SDCCAG8: variants seen among roughly 807,000 people sequenced by gnomAD.
The protein encoded by SDCCAG8 is SHH signaling and ciliogenesis regulator SDCCAG8, also known as serologically defined colon cancer antigen 8.
In SDCCAG8, 74 loss-of-function variants were observed where a neutral mutation model predicts 101.8. The ratio of observed to expected loss-of-function variants is 0.73; its 90% CI spans 0.60 to 0.88. SDCCAG8 has a LOEUF of 0.88. Among genes scored for constraint, SDCCAG8 ranks in the 40% least tolerant of loss-of-function variants. The pLI, the probability that SDCCAG8 is intolerant of heterozygous loss-of-function variation, is 0.00. For synonymous variants in SDCCAG8, 281 were observed against 292.9 expected (o/e 0.96, Z 0.41); for missense variants, 787 against 822.6 (o/e 0.96, Z 0.53).
At chr1:243,405,799 TA>T (rs1044970118) in intron 13 of SDCCAG8, among the ~76,000 whole-genome samples, 32 of 151,700 alleles carry the variant, frequency 2.1e-4, no homozygotes, top group Middle Eastern at 6.8e-3. Context: ...TAAAATATAA[TA>T]AAAAATATAT....
At chr1:243,274,768 A>G (rs899369494) in intron 4 of SDCCAG8, 112 bp downstream of exon 4, 2 of 669,388 alleles carry the variant, frequency 3.0e-6, no homozygotes, top group Admixed American at 4.6e-5. Flanking sequence ...TACATTGACA[A>G]TTGCTATTCT....
At chr1:243,387,289 T>C (rs998433517) in intron 13 of SDCCAG8, among the ~76,000 whole-genome samples, 1 of 152,196 alleles carries the variant, frequency 6.6e-6, no homozygotes, top group Non-Finnish European at 1.5e-5. Context: ...TTTTTTTTTC[T>C]TGTATCTGAT....
At chr1:243,415,320 T>G (rs72759868) in intron 13 of SDCCAG8, among the ~76,000 whole-genome samples, 2,987 of 152,160 alleles carry the variant, frequency 0.02, 35 homozygotes, top group Non-Finnish European at 0.029. Context: ...GTTTTAAGAA[T>G]TTAAGTTTTG....
intron 13 of SDCCAG8, 24 bp from the exon 14 acceptor site, chr1:243,415,678 G>A: frequency 6.2e-7 from 1 of 1,613,574 alleles, no homozygotes; most frequent in Non-Finnish European, 8.5e-7. Flanking sequence ...TTAAATTTCT[G>A]TATGTCTCCT....
At position 243,365,113 on chromosome 1, in the gene SDCCAG8, G is replaced by A. The variant is rs184743137; in HGVS notation, c.1474-13608G>A. On this transcript the variant is annotated intron_variant, in intron 12 of 17. Coordinates refer to ENST00000366541, the MANE Select transcript of SDCCAG8 (RefSeq NM_006642.5). ...CATTTGAAGGGAAATGGGTATCGGC[G>A]AAGAGTCTGGAGCTTGAGTTCTAGT... Among the ~76,000 whole-genome samples, 262 of 152,274 alleles carry A rather than the reference G, an allele frequency of 1.7e-3. 2 individuals carry two copies. Among genetic ancestry groups the A allele is most frequent in the Non-Finnish European group, 1.7e-3 (117 of 68,020 alleles).
At chr1:243,425,847 A>C (rs1417291396) in intron 15 of SDCCAG8, among the ~76,000 whole-genome samples, 2 of 152,180 alleles carry the variant, frequency 1.3e-5, no homozygotes, top group South Asian at 2.1e-4. Flanking sequence ...GCCTGCCTGC[A>C]TGGACGGCAA....
chr1:243,357,807 T>C (rs2076475117), intron 12 of SDCCAG8, among the ~76,000 whole-genome samples: 1 of 152,192 alleles, frequency 6.6e-6, no homozygotes, highest in African/African-American at 2.4e-5. Context: ...TTACAGTCAA[T>C]TGATTTTCAG....
At chr1:243,327,612 G>A (rs2074279480) in intron 9 of SDCCAG8, among the ~76,000 whole-genome samples, 1 of 151,858 alleles carries the variant, frequency 6.6e-6, no homozygotes, top group African/African-American at 2.4e-5. Context: ...CAGTTATTAT[G>A]TCTTTACTGA....
chr1:243,271,126 G>A, intron 3 of SDCCAG8, 63 bp downstream of exon 3: 1 of 1,190,642 alleles, frequency 8.4e-7, no homozygotes, highest in South Asian at 1.2e-5. Flanking sequence ...GTGTTATTTT[G>A]TAGTACATGT....
intron 7 of SDCCAG8, chr1:243,307,658 A>G (rs957214069): frequency 7.7e-6 from 9 of 1,169,920 alleles, no homozygotes; most frequent in African/African-American, 1.6e-5. Flanking sequence ...TTGGAGTTTT[A>G]TTTTTGTTTT....
chr1:243,408,349 C>T (rs1399897061), intron 13 of SDCCAG8, among the ~76,000 whole-genome samples: 1 of 152,136 alleles, frequency 6.6e-6, no homozygotes, highest in Non-Finnish European at 1.5e-5. Context: ...TTTCTAGAGT[C>T]TGTGGCCACT....
chr1:243,404,641 G>A (rs990529604), intron 13 of SDCCAG8, among the ~76,000 whole-genome samples: 3 of 152,080 alleles, frequency 2.0e-5, no homozygotes, highest in African/African-American at 7.2e-5. Context: ...CTCCAGAATT[G>A]TGTGCAAAGA....
Position 243,499,471 on chromosome 1 carries a change from T to C in SDCCAG8, c.2113-285T>C, listed in dbSNP as rs10927029. Among the ~76,000 whole-genome samples, 25,540 of 152,238 alleles carry C rather than the reference T, an allele frequency of 0.17. 2,206 individuals are homozygous for C. Among genetic ancestry groups the C allele is most frequent in the Non-Finnish European group, 0.18 (11,953 of 68,010 alleles). Reference sequence around the variant, plus strand: ...GACAGAAGAGATGGCTCTCTGGCCATGTCCTAACACCAGACTGTCCTTATT... The same window carrying C: ...GACAGAAGAGATGGCTCTCTGGCCACGTCCTAACACCAGACTGTCCTTATT... On this transcript the variant is annotated intron_variant, in intron 17 of 17. Transcript: ENST00000366541.
intron 6 of SDCCAG8, among the ~76,000 whole-genome samples, chr1:243,300,563 C>G (rs1363728783): frequency 6.6e-6 from 1 of 152,168 alleles, no homozygotes; most frequent in Admixed American, 6.5e-5. Context: ...TTTTATTCTT[C>G]TTGTGGCCCA....
chr1:243,334,378 A>G (rs1024840467), intron 10 of SDCCAG8, among the ~76,000 whole-genome samples: 1 of 152,084 alleles, frequency 6.6e-6, no homozygotes, highest in East Asian at 1.9e-4. Context: ...AGACTCTACA[A>G]TATTGTTCCT....
rs763329557 is a variant in SDCCAG8, at chr1:243,256,160, C to T, written c.-14C>T. On this transcript the variant is annotated 5_prime_UTR_variant, in exon 1 of 18. Transcript: ENST00000366541. ...TCCCCACGTAACTCCCAGCTCTGGG[C>T]CTAGAGTGCGTGCATGGCGAAGTCC... 3.1e-6 allele frequency: 5 copies of T among 1,612,864 alleles called. No individual in the cohort carries two copies. The African/African-American group carries it at 6.7e-5, about 22-fold the overall frequency.
intron 12 of SDCCAG8, among the ~76,000 whole-genome samples, chr1:243,366,800 A>G (rs1161390289): frequency 6.6e-6 from 1 of 152,064 alleles, no homozygotes; most frequent in Non-Finnish European, 1.5e-5. Flanking sequence ...CTTGGATATT[A>G]TTCATATATA....
At chr1:243,311,767 T>C (rs2072751050) in intron 8 of SDCCAG8, among the ~76,000 whole-genome samples, 1 of 148,380 alleles carries the variant, frequency 6.7e-6, no homozygotes, top group Non-Finnish European at 1.5e-5. Flanking sequence ...ATTTAAAAAT[T>C]AAAAAAAAAA....
At chr1:243,434,656 A>G (rs565406350) in intron 16 of SDCCAG8, among the ~76,000 whole-genome samples, 1 of 152,212 alleles carries the variant, frequency 6.6e-6, no homozygotes, top group Non-Finnish European at 1.5e-5. Context: ...TTGTAAGCCA[A>G]TTGGGGTTCA....
Sources: gnomAD v4.1 joint callset for allele counts (sites outside exome capture counted in the v4.1 genomes callset) on GRCh38, gnomAD v4.1.1 for gene constraint, MANE v1.5 for transcripts, NCBI Gene and HGNC (gene_info 2026-07-23, HGNC 2026-07-21) for gene names.